Variants in CYB561D2 observed in about 807,000 individuals in gnomAD.
CYB561D2 encodes the protein transmembrane reductase CYB561D2.
CYB561D2 carries 16 observed loss-of-function variants against 20.2 expected under a neutral mutation model. The ratio of observed to expected loss-of-function variants is 0.79; its 90% CI spans 0.53 to 1.20. The LOEUF (loss-of-function observed/expected upper bound fraction) is 1.20. CYB561D2 is among the 50% of genes most tolerant of loss of function. The pLI is 0.00. For synonymous variants in CYB561D2, 135 were observed against 128.3 expected (o/e 1.05, Z -0.35); for missense variants, 247 against 270.3 (o/e 0.91, Z 0.60).
chr3:50,353,968 T>A lies in CYB561D2; in HGVS notation c.*224T>A. The A allele has an allele frequency of 1.8e-6, 1 of 549,040 alleles. No individual in the cohort carries two copies. Among genetic ancestry groups the A allele is most frequent in the East Asian group, 2.9e-5 (1 of 34,090 alleles). 34.0% of individuals were successfully genotyped at this position (549,040 alleles called of 1,614,324 possible). A position where few individuals can be genotyped will look rare whatever the true frequency, so the allele number is the denominator to read the frequency against. Reference sequence around the variant, plus strand: ...GGAACATAGGCATCATGTGTCTGGATGAAGCTGGGGCTGCAAGACTGCCTC... The same window carrying A: ...GGAACATAGGCATCATGTGTCTGGAAGAAGCTGGGGCTGCAAGACTGCCTC... On this transcript the variant is annotated 3_prime_UTR_variant, in exon 4 of 4. Coordinates refer to ENST00000425346, the MANE Select transcript of CYB561D2 (RefSeq NM_001291284.2).
intron 3 of CYB561D2, among the ~76,000 whole-genome samples, 163 bp downstream of exon 3, chr3:50,352,209 G>A (rs1000658447): frequency 2.0e-5 from 3 of 152,118 alleles, no homozygotes; most frequent in Admixed American, 2.0e-4. Flanking sequence ...GGCTGGGCAC[G>A]GTGGCTCATG....
In CYB561D2 at chr3:50,353,871, G is replaced by T; in HGVS notation, c.*127G>T. ...CACTGGGACAGTTGGGCATTTGGAG[G>T]CCCGTGTGTGAATTCCTGCTCCTCA... is the stretch of plus-strand genomic sequence containing the variant. On this transcript the variant is annotated 3_prime_UTR_variant, in exon 4 of 4. Transcript: ENST00000425346. 1 of 1,124,270 alleles carries T rather than the reference G, an allele frequency of 8.9e-7. No individual in the cohort carries two copies. The highest frequency in any genetic ancestry group is 1.6e-5 in the South Asian group (1 of 63,600). 69.6% of individuals were successfully genotyped at this position (1,124,270 alleles called of 1,614,324 possible). A position where few individuals can be genotyped will look rare whatever the true frequency, so the allele number is the denominator to read the frequency against.
Position 50,353,245 on chromosome 3 carries a change from C to T in CYB561D2, c.170C>T (p.Ser57Phe), listed in dbSNP as rs1703812787. 6.4e-7 allele frequency: 1 copy of T among 1,557,742 alleles called. No homozygotes were observed. Reference sequence around the variant, plus strand: ...TCCCATCCCCTGTTTCCTCAGTTCTCCTTCCTGATGACCGAGGCACTACTG... The same window carrying T: ...TCCCATCCCCTGTTTCCTCAGTTCTTCTTCCTGATGACCGAGGCACTACTG... ...WHPVLMSLAF[S>F]FLMTEALLVF... The change falls in exon 4 of 4, where the codon TCC (serine) becomes TTC (phenylalanine). Residue 57 changes from serine to phenylalanine, a missense_variant. Ser to Phe is a radical substitution (Grantham distance 155, BLOSUM62 -2). Coordinates refer to ENST00000425346, the MANE Select transcript of CYB561D2 (RefSeq NM_001291284.2).
In CYB561D2 at chr3:50,353,138, G is replaced by A. The variant is rs934642770; in HGVS notation, c.166-103G>A. The A allele has an allele frequency of 1.1e-5, 16 of 1,457,672 alleles. No individual in the cohort carries two copies. The African/African-American group carries it at 2.3e-4, about 21-fold the overall frequency. 90.3% of individuals were successfully genotyped at this position (1,457,672 alleles called of 1,614,324 possible). On this transcript the variant is annotated intron_variant, in intron 3 of 3. Transcript: ENST00000425346. ...GTCAGTGGGGAGAGAAAGAAAAAGG[G>A]GAATCAGCCCAGACTCACTGGCAGC...
chr3:50,353,261 G>A lies in CYB561D2; in HGVS notation c.186G>A (p.Glu62=). The A allele has an allele frequency of 9.5e-6, 15 of 1,572,350 alleles. No individual in the cohort carries two copies. The highest frequency in any genetic ancestry group is 1.3e-5 in the Non-Finnish European group (15 of 1,152,538). The change falls in exon 4 of 4, where the codon GAG becomes GAA. Residue 62 remains glutamate, a synonymous_variant. Transcript: ENST00000425346. ...MSLAFSFLMT[E]ALLVFSPESS... ...CTCAGTTCTCCTTCCTGATGACCGA[G>A]GCACTACTGGTGTTTTCTCCTGAGA...
Position 50,353,311 on chromosome 3 carries a change from G to T in CYB561D2, c.236G>T (p.Arg79Leu). The stretch of plus-strand genomic sequence containing the variant: ...AGTTCGCTGCTGCACTCCCTCTCAC[G>T]GAAAGGCCGAGCACGCTGCCACTGG... ...PESSLLHSLS[R>L]KGRARCHWVL... The change falls in exon 4 of 4, where the codon CGG becomes CTG. Residue 79 changes from arginine to leucine, a missense_variant. By Grantham distance (102) the Arg-to-Leu change is moderately radical. Coordinates refer to ENST00000425346, the MANE Select transcript of CYB561D2 (RefSeq NM_001291284.2). 1.2e-6 allele frequency: 2 copies of T among 1,604,908 alleles called. No individual in the cohort carries two copies. Among genetic ancestry groups the T allele is most frequent in the Non-Finnish European group, 8.5e-7 (1 of 1,172,978 alleles).
intron 2 of CYB561D2, 118 bp from the exon 3 acceptor site, chr3:50,351,891 T>G (rs1360659906): frequency 8.0e-7 from 1 of 1,248,680 alleles, no homozygotes; most frequent in Non-Finnish European, 1.2e-6. Context: ...AAGAAGGGGC[T>G]CACAGTTTGG....
At chr3:50,351,029 G>A (rs587628650) in intron 1 of CYB561D2, 45 bp downstream of exon 1, 7 of 653,350 alleles carry the variant, frequency 1.1e-5, no homozygotes, top group Admixed American at 8.4e-5. Context: ...AGCACTTGGG[G>A]AGGCGGTGCG....
rs1191229744 is a variant in CYB561D2 at position 50,353,095 on chromosome 3, C to G, written c.166-146C>G. Reference sequence around the variant, plus strand: ...CAGATGGGGTTTTCCACTCTTGCCCCACCAAATGGATAGTCTTGTCAGTGG... The same window carrying G: ...CAGATGGGGTTTTCCACTCTTGCCCGACCAAATGGATAGTCTTGTCAGTGG... On this transcript the variant is annotated intron_variant, in intron 3 of 3. Transcript: ENST00000425346. 4.1e-6 allele frequency: 5 copies of G among 1,229,010 alleles called. No homozygotes were observed. The East Asian group carries it at 1.2e-4, about 29-fold the overall frequency. The allele number at this position is 1,229,010 out of a possible 1,614,324, so 76.1% of individuals were successfully genotyped here.
intron 2 of CYB561D2, 74 bp downstream of exon 2, chr3:50,351,634 C>A (rs992316905): frequency 6.4e-7 from 1 of 1,558,942 alleles, no homozygotes; most frequent in African/African-American, 1.4e-5. Context: ...AGTGGGACTT[C>A]CGGGAACAGG....
Position 50,354,044 on chromosome 3 carries a change from G to A in CYB561D2, c.*300G>A, listed in dbSNP as rs901875778. 7 of 296,676 alleles carry A rather than the reference G, an allele frequency of 2.4e-5. No individual in the cohort carries two copies. The highest frequency in any genetic ancestry group is 4.4e-5 in the Non-Finnish European group (7 of 160,168). The allele number at this position is 296,676 out of a possible 1,614,324, so 18.4% of individuals were successfully genotyped here. On this transcript the variant is annotated 3_prime_UTR_variant, in exon 4 of 4. Transcript: ENST00000425346. ...CTGTATGTTCAGAAATTTTAGGAGA[G>A]AAAAAAGTAAAAAATTTGTAAAAAA...
chr3:50,353,335 G>T lies in CYB561D2; in HGVS notation c.260G>T (p.Trp87Leu). 6.2e-7 allele frequency: 1 copy of T among 1,612,326 alleles called. No individual in the cohort carries two copies. The highest frequency in any genetic ancestry group is 8.5e-7 in the Non-Finnish European group (1 of 1,178,944). Residue 87 changes from tryptophan to leucine, a missense_variant, in exon 4 of 4, where the codon TGG (tryptophan) becomes TTG (leucine). By Grantham distance (61) the Trp-to-Leu change is moderately conservative (BLOSUM62 -2). Transcript: ENST00000425346. ...LSRKGRARCH[W>L]VLQLLALLCA... ...CGGAAAGGCCGAGCACGCTGCCACT[G>T]GGTGCTGCAGCTGCTGGCCCTGCTG...
Position 50,351,700 on chromosome 3 carries a change from G to T in CYB561D2, c.127+140G>T, listed in dbSNP as rs1398062898. ...GCGATGAGTGAGGTGGAGCAGGTAG[G>T]TATGGCCAGGGCACACAGAATTCCT... On this transcript the variant is annotated intron_variant, in intron 2 of 3. Transcript: ENST00000425346. 9 of 1,260,646 alleles carry T rather than the reference G, an allele frequency of 7.1e-6. No homozygotes were observed. The East Asian group carries it at 1.2e-4, about 17-fold the overall frequency. 78.1% of individuals were successfully genotyped at this position (1,260,646 alleles called of 1,614,324 possible).
In CYB561D2 at chr3:50,353,611, GCTCA is replaced by G. The variant is rs1235782477; in HGVS notation, c.540_543del (p.Leu181GlyfsTer26). The G allele has an allele frequency of 6.2e-7, 1 of 1,613,736 alleles. No individual in the cohort carries two copies. The highest frequency in any genetic ancestry group is 2.2e-5 in the East Asian group (1 of 44,892). On this transcript the variant is annotated frameshift_variant, in exon 4 of 4. Transcript: ENST00000425346. LOFTEE classifies it high-confidence loss of function. ...AGTGCCAGCCTCTTGCTGGGCATGTGCTCACTCTGGTTCACTGCCTCTGTCACTG... is the reference window on the plus strand; with the variant it reads ...AGTGCCAGCCTCTTGCTGGGCATGTGCTCTGGTTCACTGCCTCTGTCACTG...
At chr3:50,351,024 T>A in intron 1 of CYB561D2, 40 bp downstream of exon 1, 1 of 698,326 alleles carries the variant, frequency 1.4e-6, no homozygotes. Context: ...CTGGCAGCAC[T>A]TGGGGAGGCG....
intron 3 of CYB561D2, among the ~76,000 whole-genome samples, chr3:50,352,678 T>A: frequency 9.6e-6 from 1 of 104,422 alleles, no homozygotes; most frequent in Admixed American, 1.5e-4. Flanking sequence ...AGAGAGAGAC[T>A]ATCTCCAAAA....
chr3:50,352,062 G>A lies in CYB561D2; in HGVS notation c.165+16G>A. On this transcript the variant is annotated intron_variant, in intron 3 of 3. Coordinates refer to ENST00000425346, the MANE Select transcript of CYB561D2 (RefSeq NM_001291284.2). ...GTCTTTGGCTGTAAGTAGTGGGCCT[G>A]GGCAGTTCTTAGGGGTGGGAGCATG... 1 of 1,613,916 alleles carries A rather than the reference G, an allele frequency of 6.2e-7. No homozygotes were observed. Among genetic ancestry groups the A allele is most frequent in the Non-Finnish European group, 8.5e-7 (1 of 1,179,930 alleles).
chr3:50,351,283 CTT>C, intron 1 of CYB561D2, 124 bp from the exon 2 acceptor site: 1 of 1,078,632 alleles, frequency 9.3e-7, no homozygotes, highest in South Asian at 1.6e-5. Flanking sequence ...TGGTGCTGGT[CTT>C]GGTACTGTTC....
rs753395232 is a variant in CYB561D2 at position 50,354,040 on chromosome 3, G to T, written c.*296G>T. On this transcript the variant is annotated 3_prime_UTR_variant, in exon 4 of 4. Transcript: ENST00000425346. Reference sequence around the variant, plus strand: ...TGTACTGTATGTTCAGAAATTTTAGGAGAGAAAAAAGTAAAAAATTTGTAA... The same window carrying T: ...TGTACTGTATGTTCAGAAATTTTAGTAGAGAAAAAAGTAAAAAATTTGTAA... 30 of 306,976 alleles carry T rather than the reference G, an allele frequency of 9.8e-5. No individual in the cohort carries two copies. The highest frequency in any genetic ancestry group is 1.6e-4 in the Non-Finnish European group (26 of 166,932). The allele number at this position is 306,976 out of a possible 1,614,324, so 19.0% of individuals were successfully genotyped here.
Sources: gnomAD v4.1 joint callset for allele counts (sites outside exome capture counted in the v4.1 genomes callset) on GRCh38, gnomAD v4.1.1 for gene constraint, MANE v1.5 for transcripts, NCBI Gene and HGNC (gene_info 2026-07-23, HGNC 2026-07-21) for gene names.